Variants in DSG2 observed in about 807,000 individuals in gnomAD.
DSG2 encodes the protein desmoglein 2.
Under a neutral mutation model 75.6 loss-of-function variants are expected in DSG2, and 45 were observed. The ratio of observed to expected loss-of-function variants is 0.60; its 90% confidence interval spans 0.47 to 0.76. DSG2 has a LOEUF of 0.76. Among genes scored for constraint, DSG2 ranks in the 30% least tolerant of loss-of-function variants. DSG2 has a pLI of 0.00. For missense variants in DSG2, 1,267 were observed against 1,357.4 expected (o/e 0.93, Z 1.05); for synonymous variants, 429 against 483.9 (o/e 0.89, Z 1.49).
intron 1 of DSG2, among the ~76,000 whole-genome samples, chr18:31,512,208 T>G (rs1013700343): frequency 3.9e-5 from 6 of 152,126 alleles, no homozygotes; most frequent in African/African-American, 1.4e-4. Context: ...CTGCCTCACC[T>G]TCAGCTTACC....
At chr18:31,499,977 G>A (rs955869967) in intron 1 of DSG2, among the ~76,000 whole-genome samples, 9 of 145,744 alleles carry the variant, frequency 6.2e-5, no homozygotes, top group African/African-American at 2.3e-4. Flanking sequence ...TTTTTGTCCA[G>A]AGAGTAGTGG....
At chr18:31,523,503 C>A (rs1022306895) in intron 6 of DSG2, among the ~76,000 whole-genome samples, 1 of 152,176 alleles carries the variant, frequency 6.6e-6, no homozygotes, top group African/African-American at 2.4e-5. Context: ...ATGATTACAC[C>A]TAAAATTCTA....
At chr18:31,539,525 A>G (rs1053443347) in intron 12 of DSG2, among the ~76,000 whole-genome samples, 7 of 152,098 alleles carry the variant, frequency 4.6e-5, no homozygotes, top group Non-Finnish European at 5.9e-5. Flanking sequence ...GTCCTTCCTG[A>G]CCGTAAGATG....
At chr18:31,519,750 A>G in intron 2 of DSG2, 53 bp from the exon 3 acceptor site, 2 of 1,574,256 alleles carry the variant, frequency 1.3e-6, no homozygotes, top group Non-Finnish European at 1.7e-6. Context: ...CAGCATACTA[A>G]TGTTCTATAT....
At chr18:31,530,444 G>T (rs941276141) in intron 8 of DSG2, among the ~76,000 whole-genome samples, 1 of 152,084 alleles carries the variant, frequency 6.6e-6, no homozygotes, top group Non-Finnish European at 1.5e-5. Context: ...TTGAGACAGG[G>T]TCTCACTTTA....
At position 31,546,201 on chromosome 18, in the gene DSG2, TC is replaced by T. The variant is rs1567934773; in HGVS notation, c.2817del (p.Tyr940MetfsTer12). ...TAGAAATGTGATAGCAACAGAAACTTCCTATGTCACAGGGTCCACTATGCCA... is the reference window on the plus strand; with the variant it reads ...TAGAAATGTGATAGCAACAGAAACTTCTATGTCACAGGGTCCACTATGCCA... ...ASRNVIATET[S>X]YVTGSTMPPT... On this transcript the variant is annotated frameshift_variant, in exon 15 of 15. Transcript: ENST00000261590. LOFTEE classifies it low-confidence loss of function (END_TRUNC). The T allele has an allele frequency of 1.2e-6, 2 of 1,613,468 alleles. No individual in the cohort carries two copies. The highest frequency in any genetic ancestry group is 1.7e-6 in the Non-Finnish European group (2 of 1,179,682).
chr18:31,540,291 A>C (rs1396026853), intron 12 of DSG2, among the ~76,000 whole-genome samples: 1 of 152,214 alleles, frequency 6.6e-6, no homozygotes, highest in Non-Finnish European at 1.5e-5. Context: ...TTGAAAGCAC[A>C]GCACTCAACA....
intron 8 of DSG2, among the ~76,000 whole-genome samples, 198 bp downstream of exon 8, chr18:31,525,086 A>G (rs2073155787): frequency 6.6e-6 from 1 of 152,228 alleles, no homozygotes; most frequent in South Asian, 2.1e-4. Context: ...AATTCATATC[A>G]GGGGACTCTA....
Position 31,538,825 on chromosome 18 carries a change from CAGGGT to C in DSG2, c.1727_1731del (p.Gln576LeufsTer2). Reference sequence around the variant, plus strand: ...AATTCAGTTCCTGATTTCAGACAATCAGGGTTTTAGTTGTCCTGAAAAGCAGGTCC... The same window carrying C: ...AATTCAGTTCCTGATTTCAGACAATCTTTAGTTGTCCTGAAAAGCAGGTCC... On this transcript the variant is annotated frameshift_variant, in exon 12 of 15. Coordinates refer to ENST00000261590, the MANE Select transcript of DSG2 (RefSeq NM_001943.5). LOFTEE classifies it high-confidence loss of function. The C allele has an allele frequency of 6.2e-7, 1 of 1,614,164 alleles. No homozygotes were observed.
At chr18:31,509,484 C>T (rs1046502607) in intron 1 of DSG2, among the ~76,000 whole-genome samples, 2 of 151,542 alleles carry the variant, frequency 1.3e-5, no homozygotes, top group African/African-American at 4.9e-5. Flanking sequence ...TTTAAATCAG[C>T]TGTTGAGTGA....
Position 31,546,779 on chromosome 18 carries a change from T to C in DSG2, c.*36T>C. The C allele has an allele frequency of 6.3e-7, 1 of 1,591,382 alleles. No individual in the cohort carries two copies. Among genetic ancestry groups the C allele is most frequent in the Non-Finnish European group, 8.6e-7 (1 of 1,159,436 alleles). ...GCCACAAACTGACCCAGAGTTTAAT[T>C]AGCAGTGACTAATTTCATGTTTCCA... On this transcript the variant is annotated 3_prime_UTR_variant, in exon 15 of 15. Transcript: ENST00000261590.
chr18:31,522,857 T>G (rs1016250726), intron 6 of DSG2, among the ~76,000 whole-genome samples: 1 of 152,184 alleles, frequency 6.6e-6, no homozygotes, highest in Non-Finnish European at 1.5e-5. Context: ...AGGAGAGAAT[T>G]ACTCTAAATC....
chr18:31,511,516 C>A (rs2073066761), intron 1 of DSG2, among the ~76,000 whole-genome samples: 1 of 152,230 alleles, frequency 6.6e-6, no homozygotes, highest in South Asian at 2.1e-4. Flanking sequence ...GAGATCTTAA[C>A]TGCTCAGTCA....
Position 31,547,653 on chromosome 18 carries a change from G to A in DSG2, c.*910G>A, listed in dbSNP as rs1356075450. On this transcript the variant is annotated 3_prime_UTR_variant, in exon 15 of 15. Transcript: ENST00000261590. ...GATCGCACCATTGCACTCCAGTCTG[G>A]GCAACAGAGTGAGATTCCGTCTCAA... The A allele has an allele frequency of 6.6e-6, 1 of 151,256 alleles. No individual in the cohort carries two copies. The highest frequency in any genetic ancestry group is 1.5e-5 in the Non-Finnish European group (1 of 67,892). 9.4% of individuals were successfully genotyped at this position (151,256 alleles called of 1,614,324 possible).
At chr18:31,514,600 A>G (rs1033537021) in intron 1 of DSG2, among the ~76,000 whole-genome samples, 4 of 152,184 alleles carry the variant, frequency 2.6e-5, no homozygotes, top group South Asian at 2.1e-4. Context: ...ACATTCTACA[A>G]TCTTGCTCCT....
intron 10 of DSG2, 93 bp from the exon 11 acceptor site, chr18:31,536,109 C>T: frequency 8.3e-7 from 1 of 1,203,282 alleles, no homozygotes; most frequent in Non-Finnish European, 1.2e-6. Context: ...TGGTTAGTAC[C>T]TTCTCCACTC....
chr18:31,524,636 T>G, intron 7 of DSG2, 51 bp downstream of exon 7: 1 of 1,600,652 alleles, frequency 6.2e-7, no homozygotes, highest in Non-Finnish European at 8.5e-7. Context: ...ATTTCAGTCC[T>G]AATTAAAAAT....
chr18:31,542,347 G>A, intron 13 of DSG2, 173 bp from the exon 14 acceptor site: 1 of 686,884 alleles, frequency 1.5e-6, no homozygotes, highest in East Asian at 2.7e-5. Context: ...AGAGAAGAAA[G>A]GAGATCTTCA....
chr18:31,509,518 G>A (rs989643836), intron 1 of DSG2, among the ~76,000 whole-genome samples: 11 of 151,840 alleles, frequency 7.2e-5, no homozygotes, highest in African/African-American at 2.7e-4. Context: ...GTATATAAAT[G>A]TCTAGATCAT....
Sources: gnomAD v4.1 joint callset for allele counts (sites outside exome capture counted in the v4.1 genomes callset) on GRCh38, gnomAD v4.1.1 for gene constraint, MANE v1.5 for transcripts, NCBI Gene and HGNC (gene_info 2026-07-23, HGNC 2026-07-21) for gene names.